LRRTM4: variants seen among roughly 807,000 people sequenced by gnomAD.
The protein encoded by LRRTM4 is leucine-rich repeat transmembrane neuronal protein 4.
In LRRTM4, 25 loss-of-function variants were observed where a neutral mutation model predicts 47.6. That is an observed-to-expected ratio of 0.53 (90% CI 0.38 to 0.73). The LOEUF (loss-of-function observed/expected upper bound fraction) is 0.73. LRRTM4 is among the 30% of genes least tolerant of loss of function. LRRTM4 has a pLI of 0.00. For missense variants in LRRTM4, 638 were observed against 713.4 expected, an observed-to-expected ratio of 0.89 and a Z score of 1.20; for synonymous variants, 311 against 269.5, an observed-to-expected ratio of 1.15 and a Z score of -1.51.
At chr2:77,292,968 C>A (rs1205582525) in intron 3 of LRRTM4, among the ~76,000 whole-genome samples, 1 of 151,494 alleles carries the variant, frequency 6.6e-6, no homozygotes, top group Non-Finnish European at 1.5e-5. Flanking sequence ...TTAAAAATAC[C>A]TAAAACTTAA....
At chr2:77,245,127 G>A (rs1361878428) in intron 3 of LRRTM4, among the ~76,000 whole-genome samples, 4 of 152,074 alleles carry the variant, frequency 2.6e-5, no homozygotes, top group Non-Finnish European at 5.9e-5. Flanking sequence ...TACTGAGAGA[G>A]ACAAAAATAG....
At chr2:76,902,894 T>C (rs1342418946) in intron 3 of LRRTM4, among the ~76,000 whole-genome samples, 1 of 151,874 alleles carries the variant, frequency 6.6e-6, no homozygotes, top group Non-Finnish European at 1.5e-5. Flanking sequence ...GTTCTTACCA[T>C]TTCTTGGTGT....
intron 3 of LRRTM4, among the ~76,000 whole-genome samples, chr2:77,154,773 G>A (rs1017109046): frequency 6.6e-6 from 1 of 152,156 alleles, no homozygotes; most frequent in East Asian, 1.9e-4. Flanking sequence ...ATGTTGATGG[G>A]TCTCTGTACA....
intron 3 of LRRTM4, among the ~76,000 whole-genome samples, chr2:77,027,089 C>G (rs899156202): frequency 1.3e-5 from 2 of 151,996 alleles, no homozygotes; most frequent in Admixed American, 6.6e-5. Context: ...TGCCCACAAC[C>G]CACACCTCCC....
At chr2:77,080,438 G>C (rs1429515610) in intron 3 of LRRTM4, among the ~76,000 whole-genome samples, 1 of 152,136 alleles carries the variant, frequency 6.6e-6, no homozygotes, top group East Asian at 1.9e-4. Context: ...ATATCCTTAT[G>C]TTATTCTGGA....
At chr2:76,804,544 T>C (rs978258078) in intron 3 of LRRTM4, among the ~76,000 whole-genome samples, 21 of 151,398 alleles carry the variant, frequency 1.4e-4, no homozygotes, top group Admixed American at 4.6e-4. Context: ...ATGCCCTTTT[T>C]CATGCCCTGT....
intron 3 of LRRTM4, among the ~76,000 whole-genome samples, chr2:77,073,990 C>T (rs1004555739): frequency 2.0e-5 from 3 of 151,932 alleles, no homozygotes; most frequent in Non-Finnish European, 4.4e-5. Context: ...CTACATGGTT[C>T]TTCTTATAAA....
intron 3 of LRRTM4, among the ~76,000 whole-genome samples, chr2:77,493,619 G>A (rs1678250683): frequency 6.6e-6 from 1 of 152,006 alleles, no homozygotes; most frequent in Non-Finnish European, 1.5e-5. Context: ...GCTTCATGGA[G>A]AGAAGATATA....
intron 3 of LRRTM4, among the ~76,000 whole-genome samples, chr2:76,883,538 A>C (rs896379490): frequency 6.6e-6 from 1 of 152,120 alleles, no homozygotes; most frequent in African/African-American, 2.4e-5. Flanking sequence ...AAAATTAACC[A>C]AACTACCCAA....
intron 3 of LRRTM4, among the ~76,000 whole-genome samples, chr2:77,456,312 A>G (rs1676538386): frequency 6.6e-6 from 1 of 152,156 alleles, no homozygotes; most frequent in Non-Finnish European, 1.5e-5. Flanking sequence ...CTTTTCTAAT[A>G]ATTCAAAGAA....
At chr2:77,421,433 C>T (rs1482499761) in intron 3 of LRRTM4, among the ~76,000 whole-genome samples, 2 of 152,094 alleles carry the variant, frequency 1.3e-5, no homozygotes, top group South Asian at 2.1e-4. Flanking sequence ...CCAGGCCGGG[C>T]GTGGTGGCTC....
intron 3 of LRRTM4, among the ~76,000 whole-genome samples, chr2:77,458,039 G>T (rs1302885565): frequency 6.6e-6 from 1 of 152,106 alleles, no homozygotes; most frequent in Non-Finnish European, 1.5e-5. Context: ...ATGCCAAATC[G>T]TTCATAAGGA....
At chr2:76,938,991 T>C (rs1410053182) in intron 3 of LRRTM4, among the ~76,000 whole-genome samples, 1 of 152,124 alleles carries the variant, frequency 6.6e-6, no homozygotes, top group Non-Finnish European at 1.5e-5. Flanking sequence ...AAGAATTTTC[T>C]GAGGTTTGTG....
chr2:77,360,585 C>T (rs1220121309), intron 3 of LRRTM4, among the ~76,000 whole-genome samples: 2 of 151,242 alleles, frequency 1.3e-5, no homozygotes, highest in African/African-American at 4.9e-5. Flanking sequence ...TACATACATA[C>T]ATACATACAT....
chr2:76,785,263 C>G (rs1199932893), intron 3 of LRRTM4, among the ~76,000 whole-genome samples: 1 of 152,038 alleles, frequency 6.6e-6, no homozygotes, highest in East Asian at 1.9e-4. Flanking sequence ...AAATAATTTT[C>G]TCAAATGTGG....
At chr2:77,236,012 G>A (rs770801847) in intron 3 of LRRTM4, among the ~76,000 whole-genome samples, 20 of 151,860 alleles carry the variant, frequency 1.3e-4, no homozygotes, top group Admixed American at 2.0e-4. Flanking sequence ...TTCCTTTTTC[G>A]TTCCATATAA....
chr2:77,201,370 C>T (rs55698860), intron 3 of LRRTM4, among the ~76,000 whole-genome samples: 9,031 of 152,084 alleles, frequency 0.059, 678 homozygotes, highest in African/African-American at 0.18. Context: ...AGTTAAATTC[C>T]ATATGCTAAC....
At chr2:76,760,946 CT>C (rs1673230810) in intron 3 of LRRTM4, among the ~76,000 whole-genome samples, 2 of 152,208 alleles carry the variant, frequency 1.3e-5, no homozygotes, top group African/African-American at 4.8e-5. Context: ...CTGGCTGCAA[CT>C]TTGACAAATC....
chr2:77,476,452 T>G lies in LRRTM4; in HGVS notation c.1551+41866A>C, dbSNP rs530680625. 5.3e-4 allele frequency among the ~76,000 whole-genome samples: 81 copies of G among 152,238 alleles called. 1 individual carries two copies. The highest frequency in any genetic ancestry group is 1.9e-3 in the African/African-American group (80 of 41,570). ...CAACAAAAGCCATACATTGATTTTT[T>G]TGTAAAATATTAGAAATATAAGAAG... On this transcript the variant is annotated intron_variant, in intron 3 of 3. Transcript: ENST00000409884.
Sources: allele counts gnomAD v4.1 joint callset (sites outside exome capture counted in the v4.1 genomes callset), GRCh38; gene constraint gnomAD v4.1.1; transcripts MANE v1.5; gene names NCBI Gene and HGNC (gene_info 2026-07-23, HGNC 2026-07-21).